The following RNF212B variants were observed in gnomAD, a reference collection of about 807,000 sequenced individuals.
RNF212B encodes the protein E3 ubiquitin-protein ligase RNF212B.
RNF212B carries 52 observed loss-of-function variants against 55.5 expected under a neutral mutation model. The observed-to-expected ratio is 0.94, with a 90% CI of 0.75 to 1.18. RNF212B has a LOEUF of 1.18. Among genes scored for constraint, RNF212B ranks in the 50% most tolerant of loss-of-function variants. The pLI is 0.00. For synonymous variants in RNF212B, 99 were observed against 121.4 expected, an observed-to-expected ratio of 0.82 and a Z score of 1.21; for missense variants, 289 against 350.4, an observed-to-expected ratio of 0.82 and a Z score of 1.40.
At chr14:23,204,662 C>G (rs1294042239) in intron 2 of RNF212B, among the ~76,000 whole-genome samples, 1 of 152,134 alleles carries the variant, frequency 6.6e-6, no homozygotes, top group Admixed American at 6.5e-5. Context: ...AGTGTGATAC[C>G]TCCAGATTTG....
intron 11 of RNF212B, among the ~76,000 whole-genome samples, chr14:23,267,269 C>A (rs1221433690): frequency 6.6e-6 from 1 of 152,156 alleles, no homozygotes; most frequent in Admixed American, 6.5e-5. Context: ...GCATGAGCAA[C>A]CATGCCCAGT....
chr14:23,269,999 C>A, intron 13 of RNF212B, 39 bp downstream of exon 13: 2 of 1,074,392 alleles, frequency 1.9e-6, no homozygotes, highest in Non-Finnish European at 2.8e-6. Flanking sequence ...GGAGCTTCAA[C>A]TATAGACACA....
chr14:23,185,708 G>A (rs986285495), intron 1 of RNF212B, among the ~76,000 whole-genome samples: 8 of 152,326 alleles, frequency 5.3e-5, no homozygotes, highest in Middle Eastern at 3.4e-3. Context: ...AGGTGCACAC[G>A]TTGGAAAGGA....
Position 23,269,969 on chromosome 14 carries a change from A to G in RNF212B, c.772+9A>G. 1 of 1,426,364 alleles carries G rather than the reference A, an allele frequency of 7.0e-7. No individual in the cohort carries two copies. The highest frequency in any genetic ancestry group is 9.7e-7 in the Non-Finnish European group (1 of 1,034,088). The allele number at this position is 1,426,364 out of a possible 1,614,324, so 88.4% of individuals were successfully genotyped here. Reference sequence around the variant, plus strand: ...CACCCCCAACAATTTTGGTAAGTTAAATAACATTTCCAAAGGAATGGAGCT... The same window carrying G: ...CACCCCCAACAATTTTGGTAAGTTAGATAACATTTCCAAAGGAATGGAGCT... On this transcript the variant is annotated intron_variant, in intron 13 of 14. Coordinates refer to ENST00000430154, the MANE Select transcript of RNF212B (RefSeq NM_001282322.3).
Position 23,244,545 on chromosome 14 carries a change from A to T in RNF212B, c.228+149A>T, listed in dbSNP as rs575354828. ...TTTGCTTTCTTCCTTGATGATACAA[A>T]TTTCAATCAGTTAACTTTTTATTGA... is the stretch of plus-strand genomic sequence containing the variant. On this transcript the variant is annotated intron_variant, in intron 4 of 14. Transcript: ENST00000430154. The T allele has an allele frequency of 2.0e-5, 11 of 560,482 alleles. No homozygotes were observed. The East Asian group carries it at 3.3e-4, about 17-fold the overall frequency. 34.7% of individuals were successfully genotyped at this position (560,482 alleles called of 1,614,324 possible).
At chr14:23,202,548 C>T (rs895946011) in intron 2 of RNF212B, among the ~76,000 whole-genome samples, 1 of 152,046 alleles carries the variant, frequency 6.6e-6, no homozygotes, top group African/African-American at 2.4e-5. Flanking sequence ...AAAGATGAGG[C>T]TTTAATTGCT....
chr14:23,251,174 C>T (rs1462006355), intron 4 of RNF212B, among the ~76,000 whole-genome samples: 1 of 152,168 alleles, frequency 6.6e-6, no homozygotes. Flanking sequence ...ATAATATTTG[C>T]ACTATATATT....
chr14:23,251,512 A>G (rs76922999), intron 4 of RNF212B, among the ~76,000 whole-genome samples: 269 of 152,356 alleles, frequency 1.8e-3, no homozygotes, highest in Non-Finnish European at 2.9e-3. Flanking sequence ...TTACCAGTTT[A>G]TTATAAAAGA....
rs1312555994 is a variant in RNF212B at position 23,260,656 on chromosome 14, T to C, written c.406-3T>C. 1.3e-6 allele frequency: 2 copies of C among 1,550,488 alleles called. No homozygotes were observed. The highest frequency in any genetic ancestry group is 2.0e-5 in the Admixed American group (1 of 51,008). ...TCTTCACTCCTGGTTTTTTCACCTA[T>C]AGGAATCTCCAAGTCGGTACCAAGG... On this transcript the variant is annotated splice_polypyrimidine_tract_variant and splice_region_variant and intron_variant, in intron 6 of 14. Coordinates refer to ENST00000430154, the MANE Select transcript of RNF212B (RefSeq NM_001282322.3).
intron 7 of RNF212B, among the ~76,000 whole-genome samples, chr14:23,261,868 G>A (rs984301520): frequency 6.6e-6 from 1 of 152,080 alleles, no homozygotes; most frequent in African/African-American, 2.4e-5. Context: ...GGGAGGCTGA[G>A]GCAGGAGAAT....
chr14:23,229,218 T>TTTTA (rs1446535964), intron 2 of RNF212B, among the ~76,000 whole-genome samples: 21 of 50,742 alleles, frequency 4.1e-4, no homozygotes, highest in African/African-American at 1.2e-3. Context: ...CTGAATAATA[T>TTTTA]TTTATATATA....
intron 12 of RNF212B, 101 bp from the exon 13 acceptor site, chr14:23,269,762 C>T: frequency 1.6e-6 from 1 of 636,530 alleles, no homozygotes; most frequent in Non-Finnish European, 2.7e-6. Context: ...GGAATTTTTT[C>T]CTCTCTGGCC....
At chr14:23,204,301 A>G (rs1879622434) in intron 2 of RNF212B, among the ~76,000 whole-genome samples, 2 of 152,204 alleles carry the variant, frequency 1.3e-5, no homozygotes, top group Non-Finnish European at 2.9e-5. Flanking sequence ...ATCCTTGCCT[A>G]AGCCAATGTC....
At chr14:23,259,447 T>G (rs1391957442) in intron 5 of RNF212B, 2 of 148,768 alleles carry the variant, frequency 1.3e-5, no homozygotes, top group Non-Finnish European at 3.0e-5. Context: ...TTTTAAAGTT[T>G]TTTTTGTTTT....
intron 1 of RNF212B, among the ~76,000 whole-genome samples, chr14:23,192,261 C>T (rs1424856134): frequency 1.3e-5 from 2 of 152,104 alleles, no homozygotes; most frequent in African/African-American, 4.8e-5. Context: ...GCACTATTCA[C>T]AATAGCAAAG....
chr14:23,272,724 T>C, intron 14 of RNF212B, 99 bp from the exon 15 acceptor site: 1 of 759,126 alleles, frequency 1.3e-6, no homozygotes. Context: ...AAAGCAGTGG[T>C]GTCTGTCTCG....
In RNF212B at chr14:23,263,753, C is replaced by A. The variant is rs180718702; in HGVS notation, c.525-421C>A. 7.6e-3 allele frequency among the ~76,000 whole-genome samples: 1,151 copies of A among 151,784 alleles called. 16 individuals carry two copies. The highest frequency in any genetic ancestry group is 0.026 in the African/African-American group (1,069 of 41,478). ...TATTAGTGACATGTGCCCCTTCCCCCAAAAAAAACGAGTGTTCTGTGTGCT... is the reference window on the plus strand; with the variant it reads ...TATTAGTGACATGTGCCCCTTCCCCAAAAAAAAACGAGTGTTCTGTGTGCT... On this transcript the variant is annotated intron_variant, in intron 9 of 14. Coordinates refer to ENST00000430154, the MANE Select transcript of RNF212B (RefSeq NM_001282322.3).
At chr14:23,213,292 G>C (rs1001065333) in intron 2 of RNF212B, among the ~76,000 whole-genome samples, 10 of 150,182 alleles carry the variant, frequency 6.7e-5, no homozygotes, top group African/African-American at 9.9e-5. Context: ...CAGCCTGGGC[G>C]ACAGAGTAAG....
At chr14:23,199,918 A>C (rs1327368033) in intron 2 of RNF212B, among the ~76,000 whole-genome samples, 3 of 152,140 alleles carry the variant, frequency 2.0e-5, no homozygotes, top group African/African-American at 7.2e-5. Flanking sequence ...TGGGAAAAAA[A>C]GAAGGGAAAA....
Sources: gnomAD v4.1 joint callset for allele counts (sites outside exome capture counted in the v4.1 genomes callset) on GRCh38, gnomAD v4.1.1 for gene constraint, MANE v1.5 for transcripts, NCBI Gene and HGNC (gene_info 2026-07-23, HGNC 2026-07-21) for gene names.